The following CTNND2 variants were observed in gnomAD, a reference collection of about 807,000 sequenced individuals.
The protein encoded by CTNND2 is catenin delta 2.
In CTNND2, 22 loss-of-function variants were observed where a neutral mutation model predicts 144.4. That is an observed-to-expected ratio of 0.15 (90% confidence interval 0.11 to 0.22). The LOEUF is 0.22. Ranked by LOEUF, CTNND2 falls within the 10% of genes least tolerant of loss-of-function variation. CTNND2 has a pLI of 1.00. For synonymous variants in CTNND2, 751 were observed against 695.6 expected (o/e 1.08, Z -1.25); for missense variants, 1,353 against 1,618.8 (o/e 0.84, Z 2.82).
chr5:11,662,165 ATG>A (rs1421935681), intron 2 of CTNND2, among the ~76,000 whole-genome samples: 1 of 145,474 alleles, frequency 6.9e-6, no homozygotes, highest in South Asian at 2.1e-4. Context: ...ATGTGTATAT[ATG>A]TGTATATATA....
At chr5:11,614,786 C>A (rs540387435) in intron 2 of CTNND2, among the ~76,000 whole-genome samples, 13 of 152,276 alleles carry the variant, frequency 8.5e-5, no homozygotes, top group Middle Eastern at 3.4e-3. Context: ...ACTTGAGAGT[C>A]CAGACAGGGG....
At chr5:11,332,102 C>G (rs1055668976) in intron 9 of CTNND2, among the ~76,000 whole-genome samples, 3 of 151,772 alleles carry the variant, frequency 2.0e-5, no homozygotes, top group African/African-American at 7.3e-5. Flanking sequence ...ATGGAGAAAC[C>G]CCGTCCCTAC....
intron 2 of CTNND2, among the ~76,000 whole-genome samples, chr5:11,626,361 C>CTA (rs1781153001): frequency 6.6e-6 from 1 of 152,136 alleles, no homozygotes; most frequent in Non-Finnish European, 1.5e-5. Flanking sequence ...AAAATGAACA[C>CTA]TATACTATAT....
chr5:11,735,738 T>A (rs913320865), intron 1 of CTNND2, among the ~76,000 whole-genome samples: 27 of 152,312 alleles, frequency 1.8e-4, no homozygotes, highest in African/African-American at 6.3e-4. Context: ...CCTGCCACCA[T>A]GCAAGACATG....
At chr5:11,170,611 A>G (rs1035238551) in intron 11 of CTNND2, among the ~76,000 whole-genome samples, 1 of 151,946 alleles carries the variant, frequency 6.6e-6, no homozygotes, top group African/African-American at 2.4e-5. Flanking sequence ...CACAGCTACA[A>G]CCTTCTGTGG....
At chr5:11,590,703 T>C (rs1026097366) in intron 2 of CTNND2, among the ~76,000 whole-genome samples, 1 of 152,130 alleles carries the variant, frequency 6.6e-6, no homozygotes, top group African/African-American at 2.4e-5. Flanking sequence ...CTTGTGAATG[T>C]ACTTTGTATG....
intron 2 of CTNND2, among the ~76,000 whole-genome samples, chr5:11,624,368 G>A (rs970172194): frequency 1.3e-5 from 2 of 152,102 alleles, no homozygotes; most frequent in Non-Finnish European, 2.9e-5. Context: ...TTGTTGAGAA[G>A]AAAGAGGAAC....
At chr5:11,672,575 G>A (rs1479798398) in intron 2 of CTNND2, among the ~76,000 whole-genome samples, 6 of 152,244 alleles carry the variant, frequency 3.9e-5, no homozygotes, top group East Asian at 1.9e-4. Context: ...TACACTGTGA[G>A]GGTAAAAATC....
Position 11,694,478 on chromosome 5 carries a change from T to C in CTNND2, c.174+37658A>G, listed in dbSNP as rs1181212524. On this transcript the variant is annotated intron_variant, in intron 2 of 21. Coordinates refer to ENST00000304623, the MANE Select transcript of CTNND2 (RefSeq NM_001332.4). The stretch of plus-strand genomic sequence containing the variant: ...TGAAAAAAACAAAACCAAACTGAAA[T>C]GTGGCACCAACTAGACTATGAAAAG... Among the ~76,000 whole-genome samples, 6 of 149,384 alleles carry C rather than the reference T, an allele frequency of 4.0e-5. No homozygotes were observed. In the South Asian group the frequency reaches 8.6e-4, roughly 21 times the overall value.
At chr5:11,732,064 T>C (rs1787416802) in intron 2 of CTNND2, 72 bp downstream of exon 2, 1 of 1,467,112 alleles carries the variant, frequency 6.8e-7, no homozygotes, top group Admixed American at 1.8e-5. Flanking sequence ...AATTTAATCT[T>C]TAACGTTCAT....
At chr5:11,331,059 T>C (rs1169529864) in intron 9 of CTNND2, among the ~76,000 whole-genome samples, 1 of 152,214 alleles carries the variant, frequency 6.6e-6, no homozygotes, top group Non-Finnish European at 1.5e-5. Flanking sequence ...TCCGTTTATC[T>C]AAAAAATCCC....
At chr5:11,699,480 GA>G (rs1785317885) in intron 2 of CTNND2, among the ~76,000 whole-genome samples, 1 of 152,122 alleles carries the variant, frequency 6.6e-6, no homozygotes, top group African/African-American at 2.4e-5. Context: ...TGGGGCATGA[GA>G]AATTGAATAA....
intron 9 of CTNND2, among the ~76,000 whole-genome samples, chr5:11,322,315 A>G (rs964985427): frequency 3.3e-5 from 5 of 152,114 alleles, no homozygotes; most frequent in African/African-American, 9.7e-5. Context: ...AGAGGTCCCA[A>G]AGTTTCTTGA....
Position 11,118,132 on chromosome 5 carries a change from TA to T in CTNND2, c.2160-566del, listed in dbSNP as rs61753317. On this transcript the variant is annotated intron_variant, in intron 12 of 21. Coordinates refer to ENST00000304623, the MANE Select transcript of CTNND2 (RefSeq NM_001332.4). ...AGGGGCTGCTCCAAGCTCTTTTCTG[TA>T]CTAGCACATGCTGAGCTAATGGCAA... Among the ~76,000 whole-genome samples the T allele has an allele frequency of 2.5e-3, 376 of 152,358 alleles. 1 individual carries two copies. The highest frequency in any genetic ancestry group is 3.7e-3 in the South Asian group (18 of 4,830).
chr5:11,478,276 G>A (rs555809074), intron 3 of CTNND2, among the ~76,000 whole-genome samples: 1 of 152,216 alleles, frequency 6.6e-6, no homozygotes, highest in South Asian at 2.1e-4. Flanking sequence ...TGCTGTGCTT[G>A]GGGGACCTAT....
At chr5:11,479,542 AGTT>A (rs2149972251) in intron 3 of CTNND2, among the ~76,000 whole-genome samples, 1 of 152,292 alleles carries the variant, frequency 6.6e-6, no homozygotes, top group South Asian at 2.1e-4. Context: ...GTCCAATGGT[AGTT>A]CTATTTTTAG....
chr5:11,041,409 G>T (rs1002435607), intron 16 of CTNND2, among the ~76,000 whole-genome samples: 1 of 152,194 alleles, frequency 6.6e-6, no homozygotes, highest in African/African-American at 2.4e-5. Flanking sequence ...GTATGGGAAA[G>T]GTCACAGAGC....
chr5:11,164,079 T>A (rs1432027596), intron 11 of CTNND2, among the ~76,000 whole-genome samples: 1 of 152,080 alleles, frequency 6.6e-6, no homozygotes, highest in Non-Finnish European at 1.5e-5. Context: ...TTCCTTGGCT[T>A]GAGATCTTAC....
At chr5:11,829,445 G>A (rs1793773930) in intron 1 of CTNND2, among the ~76,000 whole-genome samples, 2 of 152,148 alleles carry the variant, frequency 1.3e-5, no homozygotes, top group South Asian at 4.1e-4. Flanking sequence ...GGGACTTGGT[G>A]CCCTGCATCC....
Sources: gnomAD v4.1 joint callset for allele counts (sites outside exome capture counted in the v4.1 genomes callset) on GRCh38, gnomAD v4.1.1 for gene constraint, MANE v1.5 for transcripts, NCBI Gene and HGNC (gene_info 2026-07-23, HGNC 2026-07-21) for gene names.